JPH3: variants seen among roughly 807,000 people sequenced by gnomAD.
The protein encoded by JPH3 is junctophilin-3.
A neutral mutation model predicts 59.6 loss-of-function variants in JPH3; 11 were observed. The observed-to-expected ratio is 0.18, with a 90% CI of 0.12 to 0.31. The LOEUF (loss-of-function observed/expected upper bound fraction) is 0.31. Among genes scored for constraint, JPH3 ranks in the 10% least tolerant of loss-of-function variants. The pLI, the probability that JPH3 is intolerant of heterozygous loss-of-function variation, is 1.00. For synonymous variants in JPH3, 673 were observed against 483.6 expected, an observed-to-expected ratio of 1.39 and a Z score of -5.14; for missense variants, 1,202 against 1,105.7, an observed-to-expected ratio of 1.09 and a Z score of -1.24.
At chr16:87,603,789 C>G (rs923359267) in intron 1 of JPH3, among the ~76,000 whole-genome samples, 1 of 152,162 alleles carries the variant, frequency 6.6e-6, no homozygotes, top group African/African-American at 2.4e-5. Flanking sequence ...AGCAGAGCCT[C>G]CGTGCGTCGG....
chr16:87,646,537 A>G (rs1265531302), intron 2 of JPH3, among the ~76,000 whole-genome samples: 3 of 152,250 alleles, frequency 2.0e-5, no homozygotes, highest in Non-Finnish European at 4.4e-5. Flanking sequence ...TACTTGTTCC[A>G]CAGGAAAATA....
chr16:87,674,823 C>T (rs148687464), intron 2 of JPH3, among the ~76,000 whole-genome samples: 126 of 152,236 alleles, frequency 8.3e-4, no homozygotes, highest in African/African-American at 2.1e-3. Flanking sequence ...TGCAGTGGCG[C>T]GATCTTGTCT....
intron 2 of JPH3, among the ~76,000 whole-genome samples, chr16:87,646,344 C>T (rs2032150190): frequency 6.6e-6 from 1 of 152,192 alleles, no homozygotes. Context: ...AGATCGATTC[C>T]AAGAAGCTGA....
intron 1 of JPH3, among the ~76,000 whole-genome samples, chr16:87,637,983 C>G (rs938955339): frequency 2.0e-5 from 3 of 152,266 alleles, no homozygotes; most frequent in Admixed American, 6.5e-5. Flanking sequence ...GTGGCACAAT[C>G]TTGGCTCACT....
intron 2 of JPH3, among the ~76,000 whole-genome samples, chr16:87,657,812 G>A (rs1365203895): frequency 1.3e-5 from 2 of 152,188 alleles, no homozygotes; most frequent in Non-Finnish European, 2.9e-5. Flanking sequence ...CCAAAACTCG[G>A]TTACGTGACC....
intron 2 of JPH3, among the ~76,000 whole-genome samples, chr16:87,677,693 C>T (rs1263752334): frequency 3.3e-5 from 5 of 152,204 alleles, no homozygotes; most frequent in Non-Finnish European, 5.9e-5. Context: ...AAGCAGAGAT[C>T]CAAAGGAATT....
intron 1 of JPH3, among the ~76,000 whole-genome samples, chr16:87,616,438 G>T (rs753858925): frequency 2.5e-4 from 37 of 148,604 alleles, no homozygotes; most frequent in Non-Finnish European, 4.5e-4. Context: ...TTTTAGTAAA[G>T]ACAGGGTTTC....
intron 1 of JPH3, among the ~76,000 whole-genome samples, chr16:87,636,529 C>A (rs1369305690): frequency 6.6e-6 from 1 of 152,194 alleles, no homozygotes; most frequent in African/African-American, 2.4e-5. Context: ...GAGCTCCCGT[C>A]TGGGGGAAGC....
intron 4 of JPH3, 177 bp from the exon 5 acceptor site, chr16:87,696,403 C>T (rs1226506229): frequency 1.1e-5 from 7 of 612,214 alleles, no homozygotes; most frequent in Non-Finnish European, 2.0e-5. Context: ...CGCGTCTGGA[C>T]TTCACGGAGC....
intron 1 of JPH3, among the ~76,000 whole-genome samples, chr16:87,643,073 C>T (rs893940476): frequency 6.6e-6 from 1 of 152,174 alleles, no homozygotes; most frequent in East Asian, 1.9e-4. Context: ...AGCCCCTGCA[C>T]CCACCGCGCT....
Position 87,643,443 on chromosome 16 carries a change from T to C in JPH3, c.383-815T>C, listed in dbSNP as rs187350281. Reference sequence around the variant, plus strand: ...TATGTCTGAAGGTCATGGGCCACTGTCCCTTCCCTATGCCCTTGAATCTCT... The same window carrying C: ...TATGTCTGAAGGTCATGGGCCACTGCCCCTTCCCTATGCCCTTGAATCTCT... On this transcript the variant is annotated intron_variant, in intron 1 of 4. Coordinates refer to ENST00000284262, the MANE Select transcript of JPH3 (RefSeq NM_020655.4). Among the ~76,000 whole-genome samples the C allele has an allele frequency of 6.0e-3, 913 of 151,188 alleles. 7 individuals carry two copies. Among genetic ancestry groups the C allele is most frequent in the African/African-American group, 0.019 (778 of 41,222 alleles).
chr16:87,666,112 CAG>C (rs748638321), intron 2 of JPH3, among the ~76,000 whole-genome samples: 147 of 147,582 alleles, frequency 1.0e-3, no homozygotes, highest in Non-Finnish European at 1.3e-3. Context: ...TTTTTTGAGA[CAG>C]AGTTTCGCTC....
At chr16:87,695,970 C>T (rs572952255) in intron 4 of JPH3, 2 of 456,052 alleles carry the variant, frequency 4.4e-6, no homozygotes, top group African/African-American at 2.0e-5. Context: ...CAGCAGCATT[C>T]AGGACCATAA....
rs115878337 is a variant in JPH3 at position 87,658,265 on chromosome 16, C to T, written c.1160+13230C>T. On this transcript the variant is annotated intron_variant, in intron 2 of 4. Transcript: ENST00000284262. ...CACGGCATTTGCACCCCAGCTCAGG[C>T]GTCCCGGCAGGGATTCTGCATTGTC... Among the ~76,000 whole-genome samples the T allele has an allele frequency of 7.4e-3, 1,128 of 152,240 alleles. 18 individuals are homozygous for T. Among genetic ancestry groups the T allele is most frequent in the African/African-American group, 0.024 (1,011 of 41,544 alleles).
At chr16:87,657,561 A>T (rs796102225) in intron 2 of JPH3, among the ~76,000 whole-genome samples, 1 of 152,216 alleles carries the variant, frequency 6.6e-6, no homozygotes, top group Non-Finnish European at 1.5e-5. Context: ...TGTTATATTA[A>T]AAAAATCATA....
rs914000112 is a variant in JPH3 at position 87,611,824 on chromosome 16, A to G, written c.382+8296A>G. On this transcript the variant is annotated intron_variant, in intron 1 of 4. Coordinates refer to ENST00000284262, the MANE Select transcript of JPH3 (RefSeq NM_020655.4). This position sits in a 1 kb window ranked among gnomAD's most constrained non-coding sequence, Gnocchi z 4.5. ...CTGCTGATCTGGGGACCTCACATTA[A>G]GAACCACAGTCCTGGGCTTGTGCCT... is the stretch of plus-strand genomic sequence containing the variant. Among the ~76,000 whole-genome samples, 5 of 152,238 alleles carry G rather than the reference A, an allele frequency of 3.3e-5. No homozygotes were observed. Among genetic ancestry groups the G allele is most frequent in the Admixed American group, 1.3e-4 (2 of 15,288 alleles).
intron 1 of JPH3, among the ~76,000 whole-genome samples, chr16:87,622,756 C>T (rs1052279713): frequency 6.6e-6 from 1 of 152,110 alleles, no homozygotes; most frequent in Non-Finnish European, 1.5e-5. Context: ...CCGCCCCACC[C>T]TGCCGCTGAG....
intron 2 of JPH3, among the ~76,000 whole-genome samples, chr16:87,672,009 T>C (rs1047702744): frequency 2.0e-5 from 3 of 152,128 alleles, no homozygotes; most frequent in African/African-American, 4.8e-5. Context: ...ACGTGCTGCG[T>C]TCAGTCCCAG....
chr16:87,680,005 C>G (rs2033245681), intron 2 of JPH3, among the ~76,000 whole-genome samples: 1 of 152,202 alleles, frequency 6.6e-6, no homozygotes, highest in African/African-American at 2.4e-5. Flanking sequence ...GCCTCTAAGC[C>G]TGGGTCTTCC....
Sources: allele counts gnomAD v4.1 joint callset (sites outside exome capture counted in the v4.1 genomes callset), GRCh38; gene constraint gnomAD v4.1.1; non-coding constraint Gnocchi (gnomAD v3.1); transcripts MANE v1.5; gene names NCBI Gene and HGNC (gene_info 2026-07-23, HGNC 2026-07-21).